NOS1AP: variants seen among roughly 807,000 people sequenced by gnomAD.
The protein encoded by NOS1AP is nitric oxide synthase 1 adaptor protein.
Under a neutral mutation model 56.2 loss-of-function variants are expected in NOS1AP, and 21 were observed. The observed-to-expected ratio is 0.37, with a 90% CI of 0.26 to 0.54. The LOEUF (loss-of-function observed/expected upper bound fraction) is 0.54, where lower values mean the gene tolerates loss of function less well. Ranked by LOEUF, NOS1AP falls within the 20% of genes least tolerant of loss-of-function variation. The probability of loss-of-function intolerance (pLI) is 0.84; values close to 1 mark genes in which losing one functional copy is unlikely to be tolerated. For synonymous variants in NOS1AP, 270 were observed against 274.6 expected (o/e 0.98, Z 0.17); for missense variants, 522 against 657.8 (o/e 0.79, Z 2.26).
Position 162,355,268 on chromosome 1 carries a change from C to G in NOS1AP, c.677C>G (p.Pro226Arg). The change falls in exon 7 of 10, where the codon CCA (proline) becomes CGA (arginine). Residue 226 changes from proline (P) to arginine (R), a missense_variant. By Grantham distance (103) the Pro-to-Arg change is moderately radical (BLOSUM62 -2). Coordinates refer to ENST00000361897, the MANE Select transcript of NOS1AP (RefSeq NM_014697.3). ...ATCGATGCGGTGGAGGTCCCACTTC[C>G]AGGGAATGATGTCCTGGAATTCAGC... is the stretch of plus-strand genomic sequence containing the variant. ...TDIDAVEVPL[P>R]GNDVLEFSRG... 6.2e-7 allele frequency: 1 copy of G among 1,614,158 alleles called. No individual in the cohort carries two copies. Among genetic ancestry groups the G allele is most frequent in the Non-Finnish European group, 8.5e-7 (1 of 1,180,036 alleles).
At chr1:162,098,259 A>C (rs1296495987) in intron 1 of NOS1AP, among the ~76,000 whole-genome samples, 1 of 93,652 alleles carries the variant, frequency 1.1e-5, no homozygotes, top group Non-Finnish European at 2.2e-5. Flanking sequence ...GGCGTGCACC[A>C]CCATGCCCGG....
At chr1:162,252,754 T>C (rs1486301783) in intron 2 of NOS1AP, among the ~76,000 whole-genome samples, 1 of 152,224 alleles carries the variant, frequency 6.6e-6, no homozygotes, top group African/African-American at 2.4e-5. Flanking sequence ...GTGTATTCAA[T>C]ATAATAGCCA....
chr1:162,169,132 T>C (rs1034184043), intron 2 of NOS1AP, among the ~76,000 whole-genome samples: 1 of 152,256 alleles, frequency 6.6e-6, no homozygotes, highest in African/African-American at 2.4e-5. Context: ...CCTCCGTGCA[T>C]GGGCTTTGCA....
intron 1 of NOS1AP, among the ~76,000 whole-genome samples, chr1:162,086,918 G>T (rs544658745): frequency 6.6e-6 from 1 of 152,118 alleles, no homozygotes; most frequent in East Asian, 1.9e-4. Context: ...ACAACTCCAC[G>T]CTCATCTTGT....
chr1:162,251,878 T>G (rs1411084232), intron 2 of NOS1AP, among the ~76,000 whole-genome samples: 77 of 138,296 alleles, frequency 5.6e-4, no homozygotes, highest in African/African-American at 1.7e-3. Context: ...TGTTTTTTTT[T>G]TTTTTTTTTT....
chr1:162,250,249 G>A (rs1207289589), intron 2 of NOS1AP, among the ~76,000 whole-genome samples: 2 of 152,158 alleles, frequency 1.3e-5, no homozygotes, highest in African/African-American at 4.8e-5. Context: ...CTCCTCCAAG[G>A]TGTTATCTGA....
At chr1:162,190,719 G>A (rs962571355) in intron 2 of NOS1AP, among the ~76,000 whole-genome samples, 9 of 152,074 alleles carry the variant, frequency 5.9e-5, no homozygotes, top group African/African-American at 2.2e-4. Context: ...CCTATGTAGC[G>A]TAATTTTGTA....
In NOS1AP at chr1:162,161,281, G is replaced by C. The variant is rs148048559; in HGVS notation, c.177+6805G>C. Among the ~76,000 whole-genome samples, 641 of 152,268 alleles carry C rather than the reference G, an allele frequency of 4.2e-3. 1 individual carries two copies. Among genetic ancestry groups the C allele is most frequent in the Non-Finnish European group, 5.8e-3 (397 of 68,038 alleles). On this transcript the variant is annotated intron_variant, in intron 2 of 9. Transcript: ENST00000361897. ...GGGGATTAGGTCATGGACCTCTTTGGGGGGCTTTGAGTCTGTCTACCATAA... is the reference window on the plus strand; with the variant it reads ...GGGGATTAGGTCATGGACCTCTTTGCGGGGCTTTGAGTCTGTCTACCATAA...
At chr1:162,196,798 G>A (rs574031024) in intron 2 of NOS1AP, among the ~76,000 whole-genome samples, 1 of 152,190 alleles carries the variant, frequency 6.6e-6, no homozygotes, top group South Asian at 2.1e-4. Flanking sequence ...GGGTTGCTTG[G>A]GGGGAACAGA....
intron 2 of NOS1AP, among the ~76,000 whole-genome samples, chr1:162,212,578 T>TTGGTGG (rs1463744503): frequency 2.0e-5 from 3 of 151,946 alleles, no homozygotes; most frequent in African/African-American, 7.3e-5. Flanking sequence ...GGTGTGTATG[T>TTGGTGG]TGGTGGTGGT....
At chr1:162,145,369 C>T (rs1649418144) in intron 1 of NOS1AP, among the ~76,000 whole-genome samples, 1 of 152,048 alleles carries the variant, frequency 6.6e-6, no homozygotes, top group Admixed American at 6.5e-5. Flanking sequence ...TCCCTTACAC[C>T]CTAGCACCTG....
intron 2 of NOS1AP, among the ~76,000 whole-genome samples, chr1:162,178,185 T>C (rs1461847437): frequency 6.6e-6 from 1 of 152,102 alleles, no homozygotes; most frequent in Non-Finnish European, 1.5e-5. Context: ...GATAGCTCAT[T>C]TTTTTTAGTG....
chr1:162,357,437 C>T (rs567266580), intron 8 of NOS1AP, among the ~76,000 whole-genome samples: 1 of 152,234 alleles, frequency 6.6e-6, no homozygotes, highest in African/African-American at 2.4e-5. Flanking sequence ...CACACAATTC[C>T]ACCCTTCCTT....
intron 1 of NOS1AP, among the ~76,000 whole-genome samples, chr1:162,102,576 G>C (rs1317689654): frequency 1.3e-5 from 2 of 152,070 alleles, no homozygotes; most frequent in Non-Finnish European, 2.9e-5. Context: ...GTGGTCCTGA[G>C]CTTTTTTTGG....
chr1:162,074,776 G>T (rs937937502), intron 1 of NOS1AP, among the ~76,000 whole-genome samples: 2 of 152,172 alleles, frequency 1.3e-5, no homozygotes, highest in Non-Finnish European at 2.9e-5. Flanking sequence ...CCACAGCTAG[G>T]CTGGAATGTT....
chr1:162,293,528 G>A (rs1394439683), intron 3 of NOS1AP, among the ~76,000 whole-genome samples: 1 of 152,180 alleles, frequency 6.6e-6, no homozygotes, highest in Non-Finnish European at 1.5e-5. Flanking sequence ...AACATTCCTT[G>A]CCAGGAGCTT....
At chr1:162,350,823 T>C (rs1326385650) in intron 6 of NOS1AP, among the ~76,000 whole-genome samples, 9 of 152,092 alleles carry the variant, frequency 5.9e-5, no homozygotes, top group Admixed American at 5.9e-4. Context: ...TTCCCCGCAA[T>C]TCCTGGTAAC....
chr1:162,167,485 G>T (rs556321256), intron 2 of NOS1AP, among the ~76,000 whole-genome samples: 2 of 152,204 alleles, frequency 1.3e-5, no homozygotes, highest in Admixed American at 6.5e-5. Flanking sequence ...CTGGACCGGG[G>T]AGTCCCCGGT....
intron 2 of NOS1AP, among the ~76,000 whole-genome samples, chr1:162,226,952 G>A (rs1424037256): frequency 1.3e-5 from 2 of 150,928 alleles, no homozygotes; most frequent in African/African-American, 2.4e-5. Flanking sequence ...GGGCCAGTTT[G>A]TCTAAGGGGG....
Sources: gnomAD v4.1 joint callset for allele counts (sites outside exome capture counted in the v4.1 genomes callset) on GRCh38, gnomAD v4.1.1 for gene constraint, MANE v1.5 for transcripts, NCBI Gene and HGNC (gene_info 2026-07-23, HGNC 2026-07-21) for gene names.